Variants in PLXDC2 observed in about 807,000 individuals in gnomAD.
PLXDC2 encodes plexin domain containing 2, also known as plexin domain-containing protein 2.
PLXDC2 carries 40 observed loss-of-function variants against 68.9 expected under a neutral mutation model. The observed-to-expected ratio is 0.58, with a 90% CI of 0.45 to 0.76. The LOEUF (loss-of-function observed/expected upper bound fraction) is 0.76, where lower values mean the gene tolerates loss of function less well. PLXDC2 is among the 30% of genes least tolerant of loss of function. The pLI is 0.00. For synonymous variants in PLXDC2, 243 were observed against 234.2 expected (o/e 1.04, Z -0.34); for missense variants, 644 against 661.9 (o/e 0.97, Z 0.30).
chr10:20,026,513 T>C (rs1835405843), intron 2 of PLXDC2, among the ~76,000 whole-genome samples: 1 of 152,090 alleles, frequency 6.6e-6, no homozygotes, highest in Non-Finnish European at 1.5e-5. Context: ...GTTCAACTTT[T>C]AGCTTTTTAA....
At chr10:20,278,344 T>C (rs1427533811) in intron 13 of PLXDC2, among the ~76,000 whole-genome samples, 1 of 152,116 alleles carries the variant, frequency 6.6e-6, no homozygotes, top group Non-Finnish European at 1.5e-5. Context: ...CAACATGTCA[T>C]CTTTACCCTA....
chr10:19,969,289 A>G (rs1834311869), intron 1 of PLXDC2, among the ~76,000 whole-genome samples: 1 of 152,196 alleles, frequency 6.6e-6, no homozygotes, highest in Non-Finnish European at 1.5e-5. Flanking sequence ...TCAAATACAT[A>G]TGTACTCGGT....
intron 1 of PLXDC2, among the ~76,000 whole-genome samples, chr10:19,845,258 G>A (rs967616284): frequency 6.6e-6 from 1 of 152,160 alleles, no homozygotes; most frequent in Non-Finnish European, 1.5e-5. Context: ...TAATAAACGT[G>A]TAGGATTTGT....
At chr10:19,999,205 AGGGAAGGTGCTAAT>A (rs1244491242) in intron 1 of PLXDC2, among the ~76,000 whole-genome samples, 1 of 152,116 alleles carries the variant, frequency 6.6e-6, no homozygotes, top group Non-Finnish European at 1.5e-5. Flanking sequence ...TTAAAAGGGG[AGGGAAGGTGCTAAT>A]GGGTATTCCA....
At chr10:19,894,990 C>T (rs145306283) in intron 1 of PLXDC2, among the ~76,000 whole-genome samples, 14 of 152,262 alleles carry the variant, frequency 9.2e-5, no homozygotes, top group East Asian at 3.9e-4. Flanking sequence ...ATGTTTATTG[C>T]GGCACTGTTC....
intron 13 of PLXDC2, among the ~76,000 whole-genome samples, chr10:20,252,421 TTTAC>T (rs1335107447): frequency 6.6e-6 from 1 of 152,226 alleles, no homozygotes; most frequent in East Asian, 1.9e-4. Flanking sequence ...TTTATTCATG[TTTAC>T]TTCTTAAATG....
chr10:20,167,767 T>C (rs1231094334), intron 7 of PLXDC2, among the ~76,000 whole-genome samples: 1 of 152,150 alleles, frequency 6.6e-6, no homozygotes. Context: ...GAATGTGAGC[T>C]CAAGCCTGGA....
At chr10:19,982,292 G>T (rs556356177) in intron 1 of PLXDC2, among the ~76,000 whole-genome samples, 6 of 152,180 alleles carry the variant, frequency 3.9e-5, no homozygotes, top group African/African-American at 1.4e-4. Flanking sequence ...GAATGGTCCC[G>T]TGTGACTGAT....
At chr10:20,209,630 A>G (rs1835041495) in intron 9 of PLXDC2, among the ~76,000 whole-genome samples, 1 of 152,250 alleles carries the variant, frequency 6.6e-6, no homozygotes, top group Non-Finnish European at 1.5e-5. Context: ...ACCAGCAGTC[A>G]GAGTTTAAGG....
intron 2 of PLXDC2, among the ~76,000 whole-genome samples, chr10:20,015,939 A>T (rs1005920622): frequency 6.6e-6 from 1 of 152,188 alleles, no homozygotes; most frequent in Non-Finnish European, 1.5e-5. Flanking sequence ...CTCATATACT[A>T]GTAACGACTT....
chr10:19,989,912 G>A (rs930952472), intron 1 of PLXDC2, among the ~76,000 whole-genome samples: 1 of 151,710 alleles, frequency 6.6e-6, no homozygotes, highest in African/African-American at 2.4e-5. Flanking sequence ...ACCATGCCCG[G>A]CTAATTTTTG....
intron 1 of PLXDC2, among the ~76,000 whole-genome samples, chr10:19,874,498 T>C (rs1316133292): frequency 2.0e-5 from 3 of 152,284 alleles, no homozygotes; most frequent in Non-Finnish European, 4.4e-5. Flanking sequence ...CATTGTAATG[T>C]GTAGGAATTG....
chr10:19,835,341 C>T (rs1018127239), intron 1 of PLXDC2, among the ~76,000 whole-genome samples: 8 of 152,158 alleles, frequency 5.3e-5, no homozygotes, highest in Admixed American at 2.0e-4. Context: ...TTCAGCACTA[C>T]TGGATCAATA....
At chr10:20,232,841 A>T (rs1835383219) in intron 12 of PLXDC2, among the ~76,000 whole-genome samples, 1 of 152,176 alleles carries the variant, frequency 6.6e-6, no homozygotes, top group African/African-American at 2.4e-5. Flanking sequence ...AAATTTGGCA[A>T]ATTGTACATT....
chr10:20,258,531 A>G (rs559149254), intron 13 of PLXDC2, among the ~76,000 whole-genome samples: 1 of 152,280 alleles, frequency 6.6e-6, no homozygotes, highest in East Asian at 1.9e-4. Context: ...TTTTATTAGA[A>G]TCTGTGATCA....
chr10:20,263,996 C>A (rs1030806815), intron 13 of PLXDC2, among the ~76,000 whole-genome samples: 1 of 152,004 alleles, frequency 6.6e-6, no homozygotes, highest in African/African-American at 2.4e-5. Context: ...AGCATTCTAT[C>A]CTAAAGACAC....
intron 4 of PLXDC2, among the ~76,000 whole-genome samples, chr10:20,086,284 C>A (rs2131726139): frequency 6.6e-6 from 1 of 152,230 alleles, no homozygotes; most frequent in African/African-American, 2.4e-5. Flanking sequence ...CTCAGCCACC[C>A]AAATAGCTGG....
intron 3 of PLXDC2, among the ~76,000 whole-genome samples, chr10:20,052,693 A>C (rs1381622684): frequency 6.7e-6 from 1 of 150,304 alleles, no homozygotes; most frequent in African/African-American, 2.5e-5. Flanking sequence ...TTGCATGCCC[A>C]AGAATATATA....
chr10:19,905,674 A>C (rs1242587439), intron 1 of PLXDC2, among the ~76,000 whole-genome samples: 3 of 152,204 alleles, frequency 2.0e-5, no homozygotes, highest in Non-Finnish European at 4.4e-5. Flanking sequence ...TCCCAATTAT[A>C]TTATGATTTA....
Sources: gnomAD v4.1 joint callset for allele counts (sites outside exome capture counted in the v4.1 genomes callset) on GRCh38, gnomAD v4.1.1 for gene constraint, MANE v1.5 for transcripts, NCBI Gene and HGNC (gene_info 2026-07-23, HGNC 2026-07-21) for gene names.